Variants in ADGRL3 observed in about 807,000 individuals in gnomAD.
ADGRL3 encodes calcium-independent alpha-latrotoxin receptor 3.
Under a neutral mutation model 153.5 loss-of-function variants are expected in ADGRL3, and 62 were observed. That is an observed-to-expected ratio of 0.40 (90% confidence interval 0.33 to 0.50). ADGRL3 has a LOEUF of 0.50. Among genes scored for constraint, ADGRL3 ranks in the 20% least tolerant of loss-of-function variants. The pLI, the probability that ADGRL3 is intolerant of heterozygous loss-of-function variation, is 0.47. For synonymous variants in ADGRL3, 710 were observed against 672.5 expected (o/e 1.06, Z -0.86); for missense variants, 1,641 against 1,859.4 (o/e 0.88, Z 2.16).
intron 8 of ADGRL3, among the ~76,000 whole-genome samples, chr4:61,749,405 G>A (rs1368767019): frequency 6.6e-6 from 1 of 152,154 alleles, no homozygotes; most frequent in Non-Finnish European, 1.5e-5. Flanking sequence ...AAAGACACAT[G>A]CACACATATG....
intron 5 of ADGRL3, among the ~76,000 whole-genome samples, chr4:61,652,201 G>T (rs368349412): frequency 6.6e-6 from 1 of 151,642 alleles, no homozygotes; most frequent in East Asian, 1.9e-4. Flanking sequence ...AATATCAGGA[G>T]GTTTTTTTAA....
chr4:61,979,585 T>A lies in ADGRL3; in HGVS notation c.2828T>A (p.Leu943His), dbSNP rs2099060415. 1 of 1,613,932 alleles carries A rather than the reference T, an allele frequency of 6.2e-7. No individual in the cohort carries two copies. The highest frequency in any genetic ancestry group is 8.5e-7 in the Non-Finnish European group (1 of 1,179,876). Residue 943 changes from leucine to histidine, a missense_variant, in exon 18 of 27, where the codon CTC (leucine) becomes CAC (histidine). Physicochemically the swap from Leu to His is moderately conservative, Grantham distance 99. Coordinates refer to ENST00000683033, the MANE Select transcript of ADGRL3 (RefSeq NM_001387552.1). ...CAGCACAGTGATGCGGTCCATGACC[T>A]CCTTCTGGATGTGATCACGTGGGTT... is the stretch of plus-strand genomic sequence containing the variant. Reference protein sequence around the residue: ...EVKHSDAVHDLLLDVITWVGI... With the variant: ...EVKHSDAVHDHLLDVITWVGI...
At chr4:61,685,723 C>T (rs1395777894) in intron 6 of ADGRL3, among the ~76,000 whole-genome samples, 9 of 152,118 alleles carry the variant, frequency 5.9e-5, no homozygotes, top group Non-Finnish European at 2.9e-5. Context: ...ACTGTCACCA[C>T]TACTGATAAT....
intron 1 of ADGRL3, among the ~76,000 whole-genome samples, chr4:61,273,759 A>G (rs1472793514): frequency 6.6e-6 from 1 of 152,148 alleles, no homozygotes; most frequent in Non-Finnish European, 1.5e-5. Context: ...TTCACTGTTA[A>G]CTACTACTTC....
At chr4:61,315,503 C>G (rs961877389) in intron 1 of ADGRL3, among the ~76,000 whole-genome samples, 4 of 152,102 alleles carry the variant, frequency 2.6e-5, no homozygotes, top group Admixed American at 2.6e-4. Flanking sequence ...TCTATGAGGT[C>G]AGGAACTAAG....
At chr4:61,556,552 A>G (rs1282197268) in intron 4 of ADGRL3, among the ~76,000 whole-genome samples, 1 of 151,738 alleles carries the variant, frequency 6.6e-6, no homozygotes, top group East Asian at 1.9e-4. Flanking sequence ...CAAAAGAGTC[A>G]CTCTCCCTGC....
At chr4:61,419,118 C>T (rs1406505853) in intron 2 of ADGRL3, among the ~76,000 whole-genome samples, 2 of 150,542 alleles carry the variant, frequency 1.3e-5, no homozygotes, top group Admixed American at 6.6e-5. Flanking sequence ...ATATAATATA[C>T]AGTAAATCTT....
intron 5 of ADGRL3, among the ~76,000 whole-genome samples, chr4:61,662,006 G>A (rs901771845): frequency 1.1e-3 from 170 of 152,334 alleles, no homozygotes; most frequent in African/African-American, 3.9e-3. Context: ...AAAGCAGGTT[G>A]TAGTAGTGAA....
chr4:61,387,019 C>A (rs916378863), intron 2 of ADGRL3, among the ~76,000 whole-genome samples: 2 of 152,118 alleles, frequency 1.3e-5, no homozygotes, highest in Non-Finnish European at 2.9e-5. Context: ...CCAATAATCA[C>A]GTAGGTTCTT....
intron 2 of ADGRL3, among the ~76,000 whole-genome samples, chr4:61,433,941 C>T (rs916212056): frequency 1.1e-4 from 16 of 152,122 alleles, no homozygotes; most frequent in African/African-American, 3.9e-4. Flanking sequence ...ATTACTTGCT[C>T]CAGAGCAAAT....
chr4:61,241,334 T>C (rs1384904791), intron 1 of ADGRL3, among the ~76,000 whole-genome samples: 1 of 151,958 alleles, frequency 6.6e-6, no homozygotes, highest in Non-Finnish European at 1.5e-5. Flanking sequence ...GGATATGTGG[T>C]TCAATATAAA....
At chr4:61,629,454 C>G (rs2093021796) in intron 5 of ADGRL3, among the ~76,000 whole-genome samples, 1 of 151,734 alleles carries the variant, frequency 6.6e-6, no homozygotes, top group South Asian at 2.1e-4. Context: ...CGCGGTGGTT[C>G]ACGCCTGTAA....
At chr4:61,951,819 C>G (rs1204505530) in intron 17 of ADGRL3, among the ~76,000 whole-genome samples, 2 of 152,046 alleles carry the variant, frequency 1.3e-5, no homozygotes, top group African/African-American at 4.8e-5. Context: ...GAGCTGAGAT[C>G]AACCACTGCA....
intron 8 of ADGRL3, among the ~76,000 whole-genome samples, chr4:61,785,933 G>A (rs551352985): frequency 6.6e-6 from 1 of 152,268 alleles, no homozygotes; most frequent in South Asian, 2.1e-4. Flanking sequence ...AGAATCTCTT[G>A]AACCTGGGCC....
Position 62,028,877 on chromosome 4 carries a change from A to G in ADGRL3, c.3418A>G (p.Ile1140Val). 1.2e-6 allele frequency: 2 copies of G among 1,605,840 alleles called. No homozygotes were observed. Among genetic ancestry groups the G allele is most frequent in the Non-Finnish European group, 1.7e-6 (2 of 1,175,422 alleles). Reference sequence around the variant, plus strand: ...TAGCTATGAGGATAACAGACCCTTCATCAAGTAAGAATGACCTGAATGGCT... The same window carrying G: ...TAGCTATGAGGATAACAGACCCTTCGTCAAGTAAGAATGACCTGAATGGCT... ...NINYEDNRPFIKSWVIGAIAL... is the reference protein window; with the variant it reads ...NINYEDNRPFVKSWVIGAIAL... Residue 1140 changes from isoleucine (I) to valine (V), a missense_variant, in exon 22 of 27, where the codon ATC (isoleucine) becomes GTC (valine). Transcript: ENST00000683033.
At chr4:61,868,063 A>C (rs988934285) in intron 9 of ADGRL3, among the ~76,000 whole-genome samples, 1 of 152,158 alleles carries the variant, frequency 6.6e-6, no homozygotes, top group African/African-American at 2.4e-5. Context: ...AGTGGTTTAC[A>C]TATGCACAAA....
At chr4:61,889,730 T>TG (rs1218787369) in intron 9 of ADGRL3, among the ~76,000 whole-genome samples, 2 of 152,194 alleles carry the variant, frequency 1.3e-5, no homozygotes, top group Non-Finnish European at 2.9e-5. Flanking sequence ...CATGCTAAAA[T>TG]ACATATATCA....
At chr4:61,356,183 A>G (rs2096163307) in intron 1 of ADGRL3, among the ~76,000 whole-genome samples, 1 of 152,006 alleles carries the variant, frequency 6.6e-6, no homozygotes. Flanking sequence ...TTTTGCCACT[A>G]CTTACTCAGA....
intron 1 of ADGRL3, among the ~76,000 whole-genome samples, chr4:61,346,731 C>T (rs1050611397): frequency 4.2e-5 from 6 of 143,684 alleles, no homozygotes; most frequent in African/African-American, 1.6e-4. Flanking sequence ...TGAAGTGAGC[C>T]GTGATTGTGT....
Sources: allele counts gnomAD v4.1 joint callset (sites outside exome capture counted in the v4.1 genomes callset), GRCh38; gene constraint gnomAD v4.1.1; transcripts MANE v1.5; gene names NCBI Gene and HGNC (gene_info 2026-07-23, HGNC 2026-07-21).